Variants in CCDC172 observed in about 807,000 individuals in gnomAD.
CCDC172 encodes the protein coiled-coil domain containing 172, also known as coiled-coil domain-containing protein 172.
Under a neutral mutation model 38.0 loss-of-function variants are expected in CCDC172, and 30 were observed. The observed-to-expected ratio is 0.79, with a 90% confidence interval of 0.59 to 1.07. The LOEUF (loss-of-function observed/expected upper bound fraction) is 1.07, where lower values mean the gene tolerates loss of function less well. Among genes scored for constraint, CCDC172 ranks in the 50% least tolerant of loss-of-function variants. The probability of loss-of-function intolerance (pLI) is 0.00; values close to 1 mark genes in which losing one functional copy is unlikely to be tolerated. For missense variants in CCDC172, 297 were observed against 290.1 expected (o/e 1.02, Z -0.17); for synonymous variants, 78 against 88.3 (o/e 0.88, Z 0.66).
Position 116,340,829 on chromosome 10 carries a change from G to A in CCDC172, c.261G>A (p.Arg87=). Residue 87 remains arginine (R), a synonymous_variant, in exon 4 of 9, where the codon AGG becomes AGA. Coordinates refer to ENST00000333254, the MANE Select transcript of CCDC172 (RefSeq NM_198515.3). The part of the protein sequence containing the change: ...EKQYSEITNH[R]NMLLQTFEAI... ...AGTACAGTGAAATTACAAACCATAG[G>A]AATATGCTTCTTCAAACCTTTGTAA... 1 of 1,569,916 alleles carries A rather than the reference G, an allele frequency of 6.4e-7. No individual in the cohort carries two copies. The highest frequency in any genetic ancestry group is 8.7e-7 in the Non-Finnish European group (1 of 1,143,584).
chr10:116,348,911 G>A (rs888005669), intron 5 of CCDC172, among the ~76,000 whole-genome samples: 13 of 152,202 alleles, frequency 8.5e-5, no homozygotes, highest in Middle Eastern at 3.4e-3. Flanking sequence ...GTACTGGTCC[G>A]TGGCCTGTTA....
At chr10:116,343,869 T>C (rs1201698563) in intron 5 of CCDC172, among the ~76,000 whole-genome samples, 2 of 152,188 alleles carry the variant, frequency 1.3e-5, no homozygotes, top group African/African-American at 4.8e-5. Context: ...CTTGGATTTT[T>C]CTGAGGTTTT....
intron 3 of CCDC172, among the ~76,000 whole-genome samples, chr10:116,340,321 T>C (rs1844776503): frequency 6.6e-6 from 1 of 151,932 alleles, no homozygotes; most frequent in African/African-American, 2.4e-5. Context: ...TTATTAGTTA[T>C]ATTATGTACA....
intron 3 of CCDC172, among the ~76,000 whole-genome samples, chr10:116,327,318 A>G (rs183108156): frequency 2.0e-5 from 3 of 152,296 alleles, no homozygotes; most frequent in Admixed American, 1.3e-4. Flanking sequence ...ATTCATGTAT[A>G]ATAATATAAC....
At chr10:116,360,734 G>T (rs1040715406) in intron 7 of CCDC172, among the ~76,000 whole-genome samples, 48 of 152,198 alleles carry the variant, frequency 3.2e-4, no homozygotes, top group African/African-American at 1.1e-3. Flanking sequence ...CTGCCTCAGA[G>T]AGCGTGTTTT....
At chr10:116,343,481 T>A (rs1844822230) in intron 5 of CCDC172, among the ~76,000 whole-genome samples, 2 of 150,926 alleles carry the variant, frequency 1.3e-5, no homozygotes, top group Non-Finnish European at 2.9e-5. Context: ...TTGACACTAC[T>A]CTCTGTGCTC....
At chr10:116,324,858 C>T in intron 1 of CCDC172, 89 bp from the exon 2 acceptor site, 1 of 652,268 alleles carries the variant, frequency 1.5e-6, no homozygotes, top group Admixed American at 2.6e-5. Context: ...CGGGCTCCAT[C>T]TTCTTGCTGG....
intron 3 of CCDC172, among the ~76,000 whole-genome samples, chr10:116,335,854 T>A (rs1240829489): frequency 6.6e-6 from 1 of 152,114 alleles, no homozygotes; most frequent in East Asian, 1.9e-4. Context: ...GGTTTCTCTG[T>A]ATATTTTCTT....
At chr10:116,324,883 G>A in intron 1 of CCDC172, 64 bp from the exon 2 acceptor site, 2 of 750,478 alleles carry the variant, frequency 2.7e-6, no homozygotes, top group Middle Eastern at 2.4e-4. Flanking sequence ...GCGACAGAGG[G>A]TTGGAGACAG....
In CCDC172 at chr10:116,378,528, G is replaced by C; in HGVS notation, c.741+18G>C. The stretch of plus-strand genomic sequence containing the variant: ...TGGAGTTGGTAAGTTATCATTGATT[G>C]TTTAACTTTTGTTCAGCATTATTTT... On this transcript the variant is annotated intron_variant, in intron 8 of 8. Transcript: ENST00000333254. 6.3e-7 allele frequency: 1 copy of C among 1,578,860 alleles called. No homozygotes were observed. The highest frequency in any genetic ancestry group is 8.6e-7 in the Non-Finnish European group (1 of 1,156,746).
At chr10:116,326,292 A>C (rs1192902391) in intron 3 of CCDC172, among the ~76,000 whole-genome samples, 4 of 152,176 alleles carry the variant, frequency 2.6e-5, no homozygotes. Context: ...GAAGATGGGA[A>C]TAGACTATTA....
At chr10:116,363,289 T>A (rs1362255780) in intron 7 of CCDC172, among the ~76,000 whole-genome samples, 2 of 152,144 alleles carry the variant, frequency 1.3e-5, no homozygotes, top group Non-Finnish European at 2.9e-5. Context: ...TCTCAGCAGA[T>A]TCCTCTGGTC....
At position 116,340,824 on chromosome 10, in the gene CCDC172, C is replaced by G; in HGVS notation, c.256C>G (p.His86Asp). 6.3e-7 allele frequency: 1 copy of G among 1,580,608 alleles called. No individual in the cohort carries two copies. The highest frequency in any genetic ancestry group is 8.7e-7 in the Non-Finnish European group (1 of 1,152,442). The change falls in exon 4 of 9, where the codon CAT (histidine) becomes GAT (aspartate). Residue 86 changes from histidine (H) to aspartate (D), a missense_variant. Coordinates refer to ENST00000333254, the MANE Select transcript of CCDC172 (RefSeq NM_198515.3). ...AAAACAGTACAGTGAAATTACAAACCATAGGAATATGCTTCTTCAAACCTT... is the reference window on the plus strand; with the variant it reads ...AAAACAGTACAGTGAAATTACAAACGATAGGAATATGCTTCTTCAAACCTT... ...LEKQYSEITN[H>D]RNMLLQTFEA... is the part of the protein sequence containing the mutation.
chr10:116,361,466 G>A (rs538020826), intron 7 of CCDC172, among the ~76,000 whole-genome samples: 1 of 152,220 alleles, frequency 6.6e-6, no homozygotes, highest in African/African-American at 2.4e-5. Flanking sequence ...ATTTGTGCTT[G>A]TTTAATGCAA....
chr10:116,373,197 C>G (rs1429015910), intron 7 of CCDC172, among the ~76,000 whole-genome samples: 1 of 151,896 alleles, frequency 6.6e-6, no homozygotes, highest in East Asian at 1.9e-4. Flanking sequence ...AGTTCAAGCC[C>G]TGGAGTTTGA....
intron 7 of CCDC172, among the ~76,000 whole-genome samples, chr10:116,370,853 G>C (rs1399613055): frequency 6.6e-6 from 1 of 151,702 alleles, no homozygotes; most frequent in Non-Finnish European, 1.5e-5. Context: ...AAAAAGTCAT[G>C]TTATTATTGA....
chr10:116,343,519 T>C (rs1196122440), intron 5 of CCDC172, among the ~76,000 whole-genome samples: 2 of 146,330 alleles, frequency 1.4e-5, no homozygotes, highest in South Asian at 4.2e-4. Flanking sequence ...TCATTCGTTT[T>C]TTTTTTTTTT....
chr10:116,325,420 T>C (rs1844579674), intron 3 of CCDC172, 32 bp downstream of exon 3: 2 of 1,553,742 alleles, frequency 1.3e-6, no homozygotes, highest in Non-Finnish European at 1.8e-6. Flanking sequence ...TAATTATCAC[T>C]TGAAAAAGCC....
At chr10:116,341,574 T>G (rs61864796) in intron 4 of CCDC172, among the ~76,000 whole-genome samples, 2,349 of 152,186 alleles carry the variant, frequency 0.015, 23 homozygotes, top group Non-Finnish European at 0.026. Context: ...TATATAATTT[T>G]GATTTCATCA....
Sources: gnomAD v4.1 joint callset for allele counts (sites outside exome capture counted in the v4.1 genomes callset) on GRCh38, gnomAD v4.1.1 for gene constraint, MANE v1.5 for transcripts, NCBI Gene and HGNC (gene_info 2026-07-23, HGNC 2026-07-21) for gene names.